Variants in LINGO2 observed in about 807,000 individuals in gnomAD.
LINGO2 encodes leucine-rich repeat and immunoglobulin-like domain-containing nogo receptor-interacting protein 2.
In LINGO2, 14 loss-of-function variants were observed where a neutral mutation model predicts 30.6. The ratio of observed to expected loss-of-function variants is 0.46; its 90% CI spans 0.30 to 0.72. The LOEUF is 0.72. Among genes scored for constraint, LINGO2 ranks in the 30% least tolerant of loss-of-function variants. The pLI is 0.07. For missense variants in LINGO2, 729 were observed against 751.7 expected (o/e 0.97, Z 0.35); for synonymous variants, 317 against 288.5 (o/e 1.10, Z -1.00).
At chr9:29,159,139 T>G in the LINGO2 span, among the ~76,000 whole-genome samples, 6 of 149,548 alleles carry the variant, frequency 4.0e-5, no homozygotes, top group Non-Finnish European at 5.9e-5. Context: ...TGATTCATAC[T>G]GAAGATGGAG....
chr9:29,149,879 G>A, the LINGO2 span, among the ~76,000 whole-genome samples: 14 of 152,286 alleles, frequency 9.2e-5, no homozygotes, highest in African/African-American at 2.2e-4. Flanking sequence ...GTAGACTTTC[G>A]TGCAGGACTG....
At chr9:29,046,416 A>C in the LINGO2 span, among the ~76,000 whole-genome samples, 2 of 152,152 alleles carry the variant, frequency 1.3e-5, no homozygotes, top group African/African-American at 4.8e-5. Context: ...AGACCAATGG[A>C]ACAGAATTGA....
At chr9:28,611,500 A>G (rs988691094) in intron 1 of LINGO2, among the ~76,000 whole-genome samples, 26 of 152,112 alleles carry the variant, frequency 1.7e-4, no homozygotes, top group African/African-American at 6.3e-4. Context: ...CATCCTGCCT[A>G]ACTGAAACTT....
the LINGO2 span, among the ~76,000 whole-genome samples, chr9:28,931,544 T>C: frequency 6.6e-6 from 1 of 152,188 alleles, no homozygotes; most frequent in Non-Finnish European, 1.5e-5. Flanking sequence ...GGCTGTACTT[T>C]CCACATTTGT....
At chr9:28,959,822 A>C in the LINGO2 span, among the ~76,000 whole-genome samples, 1 of 152,166 alleles carries the variant, frequency 6.6e-6, no homozygotes, top group Admixed American at 6.6e-5. Context: ...CATAAAAGAC[A>C]TTTTGGATGT....
chr9:28,977,316 C>T, the LINGO2 span, among the ~76,000 whole-genome samples: 2 of 151,918 alleles, frequency 1.3e-5, no homozygotes, highest in Non-Finnish European at 2.9e-5. Context: ...TTAATCAACA[C>T]AGGGTAAATT....
At chr9:28,352,471 A>T (rs1819942814) in intron 3 of LINGO2, among the ~76,000 whole-genome samples, 1 of 65,814 alleles carries the variant, frequency 1.5e-5, no homozygotes, top group African/African-American at 5.9e-5. Flanking sequence ...TTCAAGGAGA[A>T]CTACAAACCA....
chr9:28,688,553 G>A, the LINGO2 span, among the ~76,000 whole-genome samples: 1 of 152,088 alleles, frequency 6.6e-6, no homozygotes, highest in Non-Finnish European at 1.5e-5. Flanking sequence ...TCCTCCTAAG[G>A]GAAATTGCCC....
At chr9:28,005,511 T>G (rs978857804) in intron 5 of LINGO2, among the ~76,000 whole-genome samples, 6 of 152,152 alleles carry the variant, frequency 3.9e-5, no homozygotes, top group Non-Finnish European at 5.9e-5. Context: ...ATTCTCCACA[T>G]ATCCTAAGAC....
the LINGO2 span, among the ~76,000 whole-genome samples, chr9:29,177,969 C>A: frequency 2.0e-5 from 3 of 152,054 alleles, no homozygotes; most frequent in African/African-American, 4.8e-5. Flanking sequence ...TACCTCTCAC[C>A]TTCTCTTCCA....
At chr9:27,960,830 A>AT (rs751346895) in intron 5 of LINGO2, among the ~76,000 whole-genome samples, 2 of 151,452 alleles carry the variant, frequency 1.3e-5, no homozygotes, top group Non-Finnish European at 2.9e-5. Flanking sequence ...TGTCCCTTGC[A>AT]TTTTTTGTTC....
chr9:29,050,593 A>G, the LINGO2 span, among the ~76,000 whole-genome samples: 2 of 152,164 alleles, frequency 1.3e-5, no homozygotes, highest in African/African-American at 4.8e-5. Flanking sequence ...TCTGTATGTG[A>G]GCAATTGTGG....
chr9:28,433,966 T>TATATATATATATATATCTATATATAC (rs752778212), intron 2 of LINGO2, among the ~76,000 whole-genome samples: 1 of 99,994 alleles, frequency 1.0e-5, no homozygotes, highest in Non-Finnish European at 2.4e-5. Flanking sequence ...TATATATATA[T>TATATATATATATATATCTATATATAC]ACACACACAC....
At chr9:28,549,283 G>C (rs888190744) in intron 1 of LINGO2, among the ~76,000 whole-genome samples, 1 of 152,100 alleles carries the variant, frequency 6.6e-6, no homozygotes, top group East Asian at 1.9e-4. Context: ...ATATTTTTCA[G>C]TTTGAGTCAT....
Position 28,498,371 on chromosome 9 carries a change from G to A in LINGO2, c.-364-22346C>T, listed in dbSNP as rs187754293. Among the ~76,000 whole-genome samples the A allele has an allele frequency of 9.5e-3, 1,447 of 152,208 alleles. 23 individuals are homozygous for A. Among genetic ancestry groups the A allele is most frequent in the African/African-American group, 0.033 (1,359 of 41,522 alleles). ...CCTTAGCAATGGCGGGCGCCCCTCCGCTAGCCTCGCTGCTGCCTTGCAGTT... is the reference window on the plus strand; with the variant it reads ...CCTTAGCAATGGCGGGCGCCCCTCCACTAGCCTCGCTGCTGCCTTGCAGTT... On this transcript the variant is annotated intron_variant, in intron 1 of 5. Transcript: ENST00000379992.
At chr9:29,163,966 G>C in the LINGO2 span, among the ~76,000 whole-genome samples, 1 of 152,052 alleles carries the variant, frequency 6.6e-6, no homozygotes, top group Non-Finnish European at 1.5e-5. Context: ...ACAAAGTATG[G>C]ATTAAGTGAT....
intron 1 of LINGO2, among the ~76,000 whole-genome samples, chr9:28,521,714 G>A (rs948692230): frequency 1.3e-5 from 2 of 152,140 alleles, no homozygotes; most frequent in African/African-American, 4.8e-5. Flanking sequence ...CAAGAACCTG[G>A]GAATGTGACC....
At chr9:28,761,689 T>G in the LINGO2 span, among the ~76,000 whole-genome samples, 2 of 151,976 alleles carry the variant, frequency 1.3e-5, no homozygotes, top group Non-Finnish European at 2.9e-5. Flanking sequence ...GTGATAACCT[T>G]ATATGAGTAA....
At chr9:28,676,019 T>C in the LINGO2 span, among the ~76,000 whole-genome samples, 1 of 150,298 alleles carries the variant, frequency 6.7e-6, no homozygotes, top group Non-Finnish European at 1.5e-5. Flanking sequence ...AATCTAGCTG[T>C]TTCAATTAAT....
Sources: allele counts gnomAD v4.1 joint callset (sites outside exome capture counted in the v4.1 genomes callset), GRCh38; gene constraint gnomAD v4.1.1; transcripts MANE v1.5; gene names NCBI Gene and HGNC (gene_info 2026-07-23, HGNC 2026-07-21).